CCDC185: variants seen among roughly 807,000 people sequenced by gnomAD.
The protein encoded by CCDC185 is coiled-coil domain containing 185.
For synonymous variants in CCDC185, 381 were observed against 348.1 expected (o/e 1.09, Z -1.05); for missense variants, 982 against 825.3 (o/e 1.19, Z -2.33).
At position 223,393,599 on chromosome 1, in the gene CCDC185, G is replaced by A. The variant is rs138334475; in HGVS notation, c.124G>A (p.Ala42Thr). The A allele has an allele frequency of 3.0e-5, 46 of 1,526,808 alleles. No individual in the cohort carries two copies. The highest frequency in any genetic ancestry group is 1.0e-4 in the Admixed American group (5 of 49,280). The allele number at this position is 1,526,808 out of a possible 1,614,324, so 94.6% of individuals were successfully genotyped here. ...GCAGAGGTCCGGAGCCGACTCCACCGCGTGCTCCCGGGCCGGGACTCCGGG... is the reference window on the plus strand; with the variant it reads ...GCAGAGGTCCGGAGCCGACTCCACCACGTGCTCCCGGGCCGGGACTCCGGG... ...GGQRSGADST[A>T]CSRAGTPGAE... Residue 42 changes from alanine (A) to threonine (T), a missense_variant, in exon 1 of 1, where the codon GCG becomes ACG. By Grantham distance (58) the Ala-to-Thr change is moderately conservative. Transcript: ENST00000366875. This position sits in a 1 kb window ranked among gnomAD's most constrained non-coding sequence, Gnocchi z 4.8.
Position 223,394,924 on chromosome 1 carries a change from G to C in CCDC185, c.1449G>C (p.Glu483Asp), listed in dbSNP as rs1473648891. ...GGGAGAAGGCCCAGAAGGAGGAAGA[G>C]CAGTTGCAGCAGGCCAGGTGGCGCG... ...ELREKAQKEEEQLQQARWRAG... is the reference protein window; with the variant it reads ...ELREKAQKEEDQLQQARWRAG... The change falls in exon 1 of 1, where the codon GAG becomes GAC. Residue 483 changes from glutamate (E) to aspartate (D), a missense_variant. Glu to Asp is a conservative substitution (Grantham distance 45, BLOSUM62 2). Coordinates refer to ENST00000366875, the MANE Select transcript of CCDC185 (RefSeq NM_152610.3). 2 of 1,614,074 alleles carry C rather than the reference G, an allele frequency of 1.2e-6. No individual in the cohort carries two copies. Among genetic ancestry groups the C allele is most frequent in the Non-Finnish European group, 1.7e-6 (2 of 1,180,042 alleles).
Position 223,394,382 on chromosome 1 carries a change from C to G in CCDC185, c.907C>G (p.Arg303Gly). Residue 303 changes from arginine to glycine, a missense_variant, in exon 1 of 1, where the codon CGG becomes GGG. By Grantham distance (125) the Arg-to-Gly change is moderately radical. Transcript: ENST00000366875. Reference protein sequence around the residue: ...KVQMTLERERRLLLRQSQEQW... With the variant: ...KVQMTLERERGLLLRQSQEQW... ...CCAGATGACCCTGGAGCGGGAGCGC[C>G]GGCTGCTGCTGCGGCAGAGCCAGGA... 6.4e-7 allele frequency: 1 copy of G among 1,572,224 alleles called. No homozygotes were observed. The highest frequency in any genetic ancestry group is 1.2e-5 in the South Asian group (1 of 86,526).
Position 223,394,271 on chromosome 1 carries a change from C to G in CCDC185, c.796C>G (p.Arg266Gly). The change falls in exon 1 of 1, where the codon CGT becomes GGT. Residue 266 changes from arginine (R) to glycine (G), a missense_variant. By Grantham distance (125) the Arg-to-Gly change is moderately radical. Coordinates refer to ENST00000366875, the MANE Select transcript of CCDC185 (RefSeq NM_152610.3). ...GCAGATTGTGGCCCTGGTGCTGACC[C>G]GTCTCAAGAAGGCCCAGAGGATACG... Reference protein sequence around the residue: ...DQQIVALVLTRLKKAQRIREL... With the variant: ...DQQIVALVLTGLKKAQRIREL... 1 of 1,613,686 alleles carries G rather than the reference C, an allele frequency of 6.2e-7. No individual in the cohort carries two copies. Among genetic ancestry groups the G allele is most frequent in the Non-Finnish European group, 8.5e-7 (1 of 1,179,988 alleles).
chr1:223,395,365 C>T lies in CCDC185; in HGVS notation c.*18C>T, dbSNP rs1442515951. 6.7e-7 allele frequency: 1 copy of T among 1,501,662 alleles called. No individual in the cohort carries two copies. The highest frequency in any genetic ancestry group is 8.9e-7 in the Non-Finnish European group (1 of 1,127,174). The allele number at this position is 1,501,662 out of a possible 1,614,324, so 93.0% of individuals were successfully genotyped here. ...GTTACTGAGAACCAAGGACGCCTGG[C>T]TTACAGTGCGCAGCCAGAAGGAGAT... On this transcript the variant is annotated 3_prime_UTR_variant, in exon 1 of 1. Transcript: ENST00000366875.
Position 223,393,537 on chromosome 1 carries a change from C to G in CCDC185, c.62C>G (p.Pro21Arg). The change falls in exon 1 of 1, where the codon CCC (proline) becomes CGC (arginine). Residue 21 changes from proline (P) to arginine (R), a missense_variant. Pro to Arg is a moderately radical substitution (Grantham distance 103, BLOSUM62 -2). Coordinates refer to ENST00000366875, the MANE Select transcript of CCDC185 (RefSeq NM_152610.3). This position sits in a 1 kb window ranked among gnomAD's most constrained non-coding sequence, Gnocchi z 4.8. ...PYRDLWEPPR[P>R]GGERESTQRL... ...CGGGATCTCTGGGAACCCCCGCGGC[C>G]CGGCGGAGAACGAGAGTCCACGCAG... 1 of 1,555,970 alleles carries G rather than the reference C, an allele frequency of 6.4e-7. No individual in the cohort carries two copies. The highest frequency in any genetic ancestry group is 2.4e-5 in the East Asian group (1 of 41,638).
Position 223,393,538 on chromosome 1 carries a change from C to T in CCDC185, c.63C>T (p.Pro21=), listed in dbSNP as rs372220702. 5 of 1,555,058 alleles carry T rather than the reference C, an allele frequency of 3.2e-6. No individual in the cohort carries two copies. The highest frequency in any genetic ancestry group is 2.4e-5 in the East Asian group (1 of 41,636). The part of the protein sequence containing the change: ...PYRDLWEPPR[P]GGERESTQRL... Reference sequence around the variant, plus strand: ...GGGATCTCTGGGAACCCCCGCGGCCCGGCGGAGAACGAGAGTCCACGCAGC... The same window carrying T: ...GGGATCTCTGGGAACCCCCGCGGCCTGGCGGAGAACGAGAGTCCACGCAGC... The change falls in exon 1 of 1, where the codon CCC becomes CCT. Residue 21 remains proline, a synonymous_variant. Coordinates refer to ENST00000366875, the MANE Select transcript of CCDC185 (RefSeq NM_152610.3). This position sits in a 1 kb window ranked among gnomAD's most constrained non-coding sequence, Gnocchi z 4.8.
rs1372422170 is a variant in CCDC185, at chr1:223,395,185, G to A, written c.1710G>A (p.Gln570=). ...GIKEAIKKKE[Q]RVQHISQGKD... is the part of the protein sequence containing the mutation. ...AGGAGGCCATTAAGAAAAAGGAGCAGAGGGTGCAGCACATTTCCCAAGGGA... is the reference window on the plus strand; with the variant it reads ...AGGAGGCCATTAAGAAAAAGGAGCAAAGGGTGCAGCACATTTCCCAAGGGA... The change falls in exon 1 of 1, where the codon CAG becomes CAA. Residue 570 remains glutamine (Q), a synonymous_variant. Coordinates refer to ENST00000366875, the MANE Select transcript of CCDC185 (RefSeq NM_152610.3). 1 of 1,614,104 alleles carries A rather than the reference G, an allele frequency of 6.2e-7. No homozygotes were observed. The highest frequency in any genetic ancestry group is 1.1e-5 in the South Asian group (1 of 91,070).
Position 223,395,315 on chromosome 1 carries a change from C to T in CCDC185, c.1840C>T (p.Leu614Phe), listed in dbSNP as rs1271235754. 6.6e-7 allele frequency: 1 copy of T among 1,525,192 alleles called. No individual in the cohort carries two copies. Among genetic ancestry groups the T allele is most frequent in the Non-Finnish European group, 8.8e-7 (1 of 1,140,436 alleles). The allele number at this position is 1,525,192 out of a possible 1,614,324, so 94.5% of individuals were successfully genotyped here. ...TGATCAGATGGTACTAGAGGCCCAG[C>T]TCCGTGCCTGTCAGCAGAACAGGGG... ...SLDQMVLEAQLRACQQNRGY is the reference protein window; with the variant it reads ...SLDQMVLEAQFRACQQNRGY The change falls in exon 1 of 1, where the codon CTC becomes TTC. Residue 614 changes from leucine to phenylalanine, a missense_variant. Coordinates refer to ENST00000366875, the MANE Select transcript of CCDC185 (RefSeq NM_152610.3).
At position 223,395,192 on chromosome 1, in the gene CCDC185, C is replaced by G; in HGVS notation, c.1717C>G (p.Gln573Glu). The G allele has an allele frequency of 1.9e-6, 3 of 1,613,748 alleles. No individual in the cohort carries two copies. The highest frequency in any genetic ancestry group is 2.5e-6 in the Non-Finnish European group (3 of 1,179,938). Reference protein sequence around the residue: ...EAIKKKEQRVQHISQGKDPNF... With the variant: ...EAIKKKEQRVEHISQGKDPNF... ...CATTAAGAAAAAGGAGCAGAGGGTGCAGCACATTTCCCAAGGGAAAGACCC... is the reference window on the plus strand; with the variant it reads ...CATTAAGAAAAAGGAGCAGAGGGTGGAGCACATTTCCCAAGGGAAAGACCC... The change falls in exon 1 of 1, where the codon CAG becomes GAG. Residue 573 changes from glutamine (Q) to glutamate (E), a missense_variant. By Grantham distance (29) the Gln-to-Glu change is conservative. Transcript: ENST00000366875.
rs1669615654 is a variant in CCDC185 at position 223,394,275 on chromosome 1, T to G, written c.800T>G (p.Leu267Arg). The change falls in exon 1 of 1, where the codon CTC (leucine) becomes CGC (arginine). Residue 267 changes from leucine (L) to arginine (R), a missense_variant. Transcript: ENST00000366875. The stretch of plus-strand genomic sequence containing the variant: ...ATTGTGGCCCTGGTGCTGACCCGTC[T>G]CAAGAAGGCCCAGAGGATACGGGAG... ...QQIVALVLTRLKKAQRIRELQ... is the reference protein window; with the variant it reads ...QQIVALVLTRRKKAQRIRELQ... The G allele has an allele frequency of 1.2e-6, 2 of 1,613,554 alleles. No individual in the cohort carries two copies. Among genetic ancestry groups the G allele is most frequent in the Admixed American group, 1.7e-5 (1 of 60,000 alleles).
rs750567513 is a variant in CCDC185, at chr1:223,395,220, A to G, written c.1745A>G (p.Asn582Ser). The G allele has an allele frequency of 2.6e-5, 42 of 1,611,934 alleles. No individual in the cohort carries two copies. The highest frequency in any genetic ancestry group is 3.3e-5 in the Non-Finnish European group (39 of 1,179,420). Residue 582 changes from asparagine to serine, a missense_variant, in exon 1 of 1, where the codon AAC becomes AGC. Transcript: ENST00000366875. ...VQHISQGKDP[N>S]FQEFQKLPQA... ...CACATTTCCCAAGGGAAAGACCCAAACTTCCAGGAGTTCCAGAAGCTCCCT... is the reference window on the plus strand; with the variant it reads ...CACATTTCCCAAGGGAAAGACCCAAGCTTCCAGGAGTTCCAGAAGCTCCCT...
At position 223,394,380 on chromosome 1, in the gene CCDC185, G is replaced by A. The variant is rs752161726; in HGVS notation, c.905G>A (p.Arg302His). 24 of 1,571,546 alleles carry A rather than the reference G, an allele frequency of 1.5e-5. No individual in the cohort carries two copies. In the South Asian group the frequency reaches 1.8e-4, roughly 12 times the overall value. Residue 302 changes from arginine (R) to histidine (H), a missense_variant, in exon 1 of 1, where the codon CGC becomes CAC. By Grantham distance (29) the Arg-to-His change is conservative (BLOSUM62 0). Transcript: ENST00000366875. ...GTCCAGATGACCCTGGAGCGGGAGC[G>A]CCGGCTGCTGCTGCGGCAGAGCCAG... is the stretch of plus-strand genomic sequence containing the variant. The part of the protein sequence containing the change: ...QKVQMTLERE[R>H]RLLLRQSQEQ...
Position 223,393,549 on chromosome 1 carries a change from G to C in CCDC185, c.74G>C (p.Arg25Pro), listed in dbSNP as rs187574172. The C allele has an allele frequency of 5.1e-6, 8 of 1,558,008 alleles. No individual in the cohort carries two copies. The highest frequency in any genetic ancestry group is 1.2e-5 in the South Asian group (1 of 84,166). The change falls in exon 1 of 1, where the codon CGA becomes CCA. Residue 25 changes from arginine to proline, a missense_variant. Coordinates refer to ENST00000366875, the MANE Select transcript of CCDC185 (RefSeq NM_152610.3). This position sits in a 1 kb window ranked among gnomAD's most constrained non-coding sequence, Gnocchi z 4.8. ...LWEPPRPGGE[R>P]ESTQRLGGQR... Reference sequence around the variant, plus strand: ...GAACCCCCGCGGCCCGGCGGAGAACGAGAGTCCACGCAGCGGCTGGGCGGG... The same window carrying C: ...GAACCCCCGCGGCCCGGCGGAGAACCAGAGTCCACGCAGCGGCTGGGCGGG...
In CCDC185 at chr1:223,393,628, G is replaced by A. The variant is rs1364006033; in HGVS notation, c.153G>A (p.Ala51=). 2 of 1,525,062 alleles carry A rather than the reference G, an allele frequency of 1.3e-6. No individual in the cohort carries two copies. The highest frequency in any genetic ancestry group is 1.8e-6 in the Non-Finnish European group (2 of 1,139,516). 94.5% of individuals were successfully genotyped at this position (1,525,062 alleles called of 1,614,324 possible). A position where few individuals can be genotyped will look rare whatever the true frequency, so the allele number is the denominator to read the frequency against. Residue 51 remains alanine, a synonymous_variant, in exon 1 of 1, where the codon GCG becomes GCA. Transcript: ENST00000366875. This position sits in a 1 kb window ranked among gnomAD's most constrained non-coding sequence, Gnocchi z 4.8. ...GCTCCCGGGCCGGGACTCCGGGTGC[G>A]GAGAGCGAAGCTGGGGCGTGCTGGC... ...TACSRAGTPG[A]ESEAGACWLH... is the part of the protein sequence containing the mutation.
chr1:223,393,889 C>T lies in CCDC185; in HGVS notation c.414C>T (p.Tyr138=). 6.2e-7 allele frequency: 1 copy of T among 1,610,378 alleles called. No individual in the cohort carries two copies. The part of the protein sequence containing the change: ...PPQRPQPCPH[Y]PLAQGDSPPP... ...AGCGGCCGCAGCCCTGCCCGCATTA[C>T]CCTCTGGCCCAGGGAGACTCGCCCC... The change falls in exon 1 of 1, where the codon TAC becomes TAT. Residue 138 remains tyrosine (Y), a synonymous_variant. Transcript: ENST00000366875. The surrounding 1 kb of genome is among the most constrained non-coding windows in gnomAD (Gnocchi z 4.8).
In CCDC185 at chr1:223,395,081, A is replaced by G; in HGVS notation, c.1606A>G (p.Asn536Asp). Residue 536 changes from asparagine to aspartate, a missense_variant, in exon 1 of 1, where the codon AAC becomes GAC. Physicochemically the swap from Asn to Asp is conservative, Grantham distance 23. Coordinates refer to ENST00000366875, the MANE Select transcript of CCDC185 (RefSeq NM_152610.3). ...RDKVQHLRELNHLREKNHHIL... is the reference protein window; with the variant it reads ...RDKVQHLRELDHLREKNHHIL... ...CAAGGTGCAGCACCTCCGGGAGCTC[A>G]ACCACCTGAGGGAGAAAAACCACCA... 1 of 1,614,196 alleles carries G rather than the reference A, an allele frequency of 6.2e-7. No homozygotes were observed. Among genetic ancestry groups the G allele is most frequent in the South Asian group, 1.1e-5 (1 of 91,078 alleles).
chr1:223,394,217 G>C lies in CCDC185; in HGVS notation c.742G>C (p.Glu248Gln), dbSNP rs757107911. ...CACCCAGGTCCTGAAGAGCAAGCTG[G>C]AAGAGGTGGTGGTGTCCTCCCAGGA... is the stretch of plus-strand genomic sequence containing the variant. The part of the protein sequence containing the change: ...PHTQVLKSKL[E>Q]EVVVSSQDQQ... The change falls in exon 1 of 1, where the codon GAA (glutamate) becomes CAA (glutamine). Residue 248 changes from glutamate (E) to glutamine (Q), a missense_variant. By Grantham distance (29) the Glu-to-Gln change is conservative. Transcript: ENST00000366875. 6.2e-7 allele frequency: 1 copy of C among 1,613,978 alleles called. No individual in the cohort carries two copies. Among genetic ancestry groups the C allele is most frequent in the Admixed American group, 1.7e-5 (1 of 60,030 alleles).
At position 223,393,733 on chromosome 1, in the gene CCDC185, C is replaced by T. The variant is rs1463938348; in HGVS notation, c.258C>T (p.Ser86=). 1.3e-5 allele frequency: 21 copies of T among 1,566,026 alleles called. No individual in the cohort carries two copies. Among genetic ancestry groups the T allele is most frequent in the Non-Finnish European group, 1.7e-5 (20 of 1,158,664 alleles). Reference sequence around the variant, plus strand: ...CACTGCGGGGCAGCCGAAGCCTGAGCGATGTGGCCCGCAGGCCCCTGGAAC... The same window carrying T: ...CACTGCGGGGCAGCCGAAGCCTGAGTGATGTGGCCCGCAGGCCCCTGGAAC... ...SDSLRGSRSL[S]DVARRPLERS... Residue 86 remains serine, a synonymous_variant, in exon 1 of 1, where the codon AGC becomes AGT. Coordinates refer to ENST00000366875, the MANE Select transcript of CCDC185 (RefSeq NM_152610.3). The surrounding 1 kb of genome is among the most constrained non-coding windows in gnomAD (Gnocchi z 4.8).
At position 223,394,150 on chromosome 1, in the gene CCDC185, C is replaced by A; in HGVS notation, c.675C>A (p.Asp225Glu). 1 of 1,614,136 alleles carries A rather than the reference C, an allele frequency of 6.2e-7. No homozygotes were observed. Residue 225 changes from aspartate (D) to glutamate (E), a missense_variant, in exon 1 of 1, where the codon GAC becomes GAA. Transcript: ENST00000366875. ...AGGTTGAGTCATTAGCCAGCCGGGA[C>A]TCCCAGCCCTTGGCCTCCAGCAAAG... ...SDQVESLASR[D>E]SQPLASSKEM...
Sources: allele counts gnomAD v4.1 joint callset, GRCh38; gene constraint gnomAD v4.1.1; non-coding constraint Gnocchi (gnomAD v3.1); transcripts MANE v1.5; gene names NCBI Gene and HGNC (gene_info 2026-07-23, HGNC 2026-07-21).